Variants in RAD50 observed in about 807,000 individuals in gnomAD.
RAD50 encodes RAD50 double strand break repair protein, also known as DNA repair protein RAD50.
Under a neutral mutation model 168.8 loss-of-function variants are expected in RAD50, and 132 were observed. That is an observed-to-expected ratio of 0.78 (90% CI 0.68 to 0.90). RAD50 has a LOEUF of 0.90. Among genes scored for constraint, RAD50 ranks in the 40% least tolerant of loss-of-function variants. The pLI, the probability that RAD50 is intolerant of heterozygous loss-of-function variation, is 0.00. For missense variants in RAD50, 1,347 were observed against 1,534.4 expected, an observed-to-expected ratio of 0.88 and a Z score of 2.04; for synonymous variants, 525 against 497.4, an observed-to-expected ratio of 1.06 and a Z score of -0.74.
chr5:132,595,138 T>G, intron 12 of RAD50, 94 bp downstream of exon 12: 1 of 1,335,844 alleles, frequency 7.5e-7, no homozygotes, highest in Non-Finnish European at 1.0e-6. Context: ...AAAAACCTGG[T>G]TATGGAGCCT....
At chr5:132,592,628 AAGTC>A (rs1478742854) in intron 11 of RAD50, 1 of 269,006 alleles carries the variant, frequency 3.7e-6, no homozygotes, top group Admixed American at 4.0e-5. Flanking sequence ...GCCCTCCAGA[AAGTC>A]AGCAAGCAAA....
At chr5:132,634,165 C>T (rs1193261428) in intron 21 of RAD50, among the ~76,000 whole-genome samples, 2 of 151,980 alleles carry the variant, frequency 1.3e-5, no homozygotes, top group African/African-American at 2.4e-5. Context: ...TTGAGGAGAA[C>T]GGACATCTTT....
At chr5:132,633,583 T>G (rs1751516307) in intron 21 of RAD50, among the ~76,000 whole-genome samples, 1 of 151,982 alleles carries the variant, frequency 6.6e-6, no homozygotes, top group African/African-American at 2.4e-5. Context: ...GTTTTTTGTT[T>G]TTTGTTTTTT....
intron 20 of RAD50, 149 bp downstream of exon 20, chr5:132,616,279 T>A: frequency 1.3e-6 from 1 of 771,916 alleles, no homozygotes; most frequent in Non-Finnish European, 2.1e-6. Flanking sequence ...GATACAATTA[T>A]ATTTCATGGC....
chr5:132,629,589 C>T (rs538715510), intron 21 of RAD50, among the ~76,000 whole-genome samples: 2 of 152,286 alleles, frequency 1.3e-5, no homozygotes, highest in Admixed American at 6.5e-5. Flanking sequence ...AAAATTGAGT[C>T]TTTGTGGCTT....
intron 21 of RAD50, among the ~76,000 whole-genome samples, chr5:132,619,879 T>TAG (rs1208836096): frequency 3.2e-4 from 39 of 121,984 alleles, no homozygotes; most frequent in African/African-American, 9.3e-4. Context: ...AAGATATATA[T>TAG]ATATATAGAG....
In RAD50 at chr5:132,588,796, A is replaced by C; in HGVS notation, c.1161A>C (p.Pro387=). The C allele has an allele frequency of 6.2e-7, 1 of 1,614,092 alleles. No individual in the cohort carries two copies. Residue 387 remains proline, a synonymous_variant, in exon 8 of 25, where the codon CCA becomes CCC. Transcript: ENST00000378823. ...AATTGGATGGCTTTGAGCGTGGACC[A>C]TTCAGTGAAAGACAGATTAAAAATT... ...QLELDGFERG[P]FSERQIKNFH...
chr5:132,612,764 G>C (rs1343263975), intron 19 of RAD50, among the ~76,000 whole-genome samples: 3 of 151,966 alleles, frequency 2.0e-5, no homozygotes, highest in Admixed American at 6.6e-5. Flanking sequence ...GGAGTTCAAG[G>C]CTGCAGTGAG....
At position 132,603,920 on chromosome 5, in the gene RAD50, A is replaced by G; in HGVS notation, c.2398A>G (p.Met800Val). Residue 800 changes from methionine to valine, a missense_variant and splice_region_variant, in exon 15 of 25, where the codon ATG (methionine) becomes GTG (valine). Coordinates refer to ENST00000378823, the MANE Select transcript of RAD50 (RefSeq NM_005732.4). ...TDVTIMERFQ[M>V]ELKDVERKIA... ...GAAATCATTTTGTTATATTCTTAAG[A>G]TGGAACTTAAAGATGTTGAAAGAAA... 6.3e-7 allele frequency: 1 copy of G among 1,595,332 alleles called. No homozygotes were observed. Among genetic ancestry groups the G allele is most frequent in the Non-Finnish European group, 8.6e-7 (1 of 1,163,442 alleles).
intron 5 of RAD50, among the ~76,000 whole-genome samples, chr5:132,584,194 C>T (rs1355759353): frequency 2.6e-5 from 4 of 152,108 alleles, no homozygotes; most frequent in African/African-American, 7.2e-5. Flanking sequence ...TTTTATTGAT[C>T]GCCATTCTAA....
intron 2 of RAD50, among the ~76,000 whole-genome samples, chr5:132,574,882 T>C (rs894428458): frequency 1.3e-5 from 2 of 152,200 alleles, no homozygotes; most frequent in Admixed American, 6.5e-5. Flanking sequence ...AAGTTCCTTA[T>C]CTCCATCTGA....
intron 2 of RAD50, among the ~76,000 whole-genome samples, chr5:132,567,977 T>C (rs1750236729): frequency 6.6e-6 from 1 of 152,026 alleles, no homozygotes; most frequent in Admixed American, 6.6e-5. Context: ...CAAAAGAAAA[T>C]GTGGTCTATA....
In RAD50 at chr5:132,595,060, T is replaced by G. The variant is rs748101628; in HGVS notation, c.1969+16T>G. The G allele has an allele frequency of 1.3e-6, 2 of 1,598,086 alleles. No individual in the cohort carries two copies. Among genetic ancestry groups the G allele is most frequent in the Middle Eastern group, 1.7e-4 (1 of 5,892 alleles). On this transcript the variant is annotated intron_variant, in intron 12 of 24. Transcript: ENST00000378823. ...AAACAGCGAGGTAAGTTGTCTACTT[T>G]ATATTATCAGGATACTTTGACACCT...
chr5:132,630,339 C>A (rs963948052), intron 21 of RAD50, among the ~76,000 whole-genome samples: 1 of 152,122 alleles, frequency 6.6e-6, no homozygotes, highest in African/African-American at 2.4e-5. Flanking sequence ...ACGCACCTGG[C>A]CAGGTCATGC....
chr5:132,609,958 A>G (rs1751056377), intron 19 of RAD50, among the ~76,000 whole-genome samples: 1 of 151,906 alleles, frequency 6.6e-6, no homozygotes. Context: ...TAACTGTTAC[A>G]CTTATTTGTT....
intron 2 of RAD50, among the ~76,000 whole-genome samples, chr5:132,560,206 T>G (rs1374450704): frequency 2.0e-5 from 3 of 152,232 alleles, no homozygotes; most frequent in Admixed American, 1.3e-4. Context: ...CATGTCTACG[T>G]GAGCACATAA....
chr5:132,619,908 A>C (rs1334185040), intron 21 of RAD50, among the ~76,000 whole-genome samples: 2 of 141,244 alleles, frequency 1.4e-5, no homozygotes, highest in African/African-American at 2.7e-5. Flanking sequence ...AGAGAGATAT[A>C]TCTTTTTTTT....
chr5:132,566,609 T>C (rs1361255918), intron 2 of RAD50, among the ~76,000 whole-genome samples: 1 of 152,242 alleles, frequency 6.6e-6, no homozygotes, highest in Non-Finnish European at 1.5e-5. Context: ...CCCTGCTTCA[T>C]GTCTTGTCTC....
chr5:132,627,217 GTTAC>G (rs1016231320), intron 21 of RAD50, among the ~76,000 whole-genome samples: 2 of 151,996 alleles, frequency 1.3e-5, no homozygotes, highest in African/African-American at 4.8e-5. Context: ...CATTTTAACT[GTTAC>G]TTATACTTCC....
Sources: gnomAD v4.1 joint callset for allele counts (sites outside exome capture counted in the v4.1 genomes callset) on GRCh38, gnomAD v4.1.1 for gene constraint, MANE v1.5 for transcripts, NCBI Gene and HGNC (gene_info 2026-07-23, HGNC 2026-07-21) for gene names.